The following GINM1 variants were observed in gnomAD, a reference collection of about 807,000 sequenced individuals.
GINM1 encodes the protein glycoprotein integral membrane protein 1.
In GINM1, 29 loss-of-function variants were observed where a neutral mutation model predicts 37.8. That is an observed-to-expected ratio of 0.77 (90% confidence interval 0.57 to 1.05). The LOEUF is 1.05. Ranked by LOEUF, GINM1 falls within the 50% of genes least tolerant of loss-of-function variation. The pLI, the probability that GINM1 is intolerant of heterozygous loss-of-function variation, is 0.00. For missense variants in GINM1, 377 were observed against 397.9 expected (o/e 0.95, Z 0.45); for synonymous variants, 143 against 146.2 (o/e 0.98, Z 0.16).
chr6:149,578,451 A>T (rs1268446619), intron 3 of GINM1, among the ~76,000 whole-genome samples: 3 of 149,842 alleles, frequency 2.0e-5, no homozygotes, highest in Non-Finnish European at 4.4e-5. Flanking sequence ...CCTTGAACCC[A>T]GGAGGCAAAG....
At chr6:149,588,164 TC>T (rs1280114140) in intron 7 of GINM1, among the ~76,000 whole-genome samples, 1 of 152,252 alleles carries the variant, frequency 6.6e-6, no homozygotes, top group Non-Finnish European at 1.5e-5. Context: ...AATTACTGTG[TC>T]ACAAGTAATT....
Position 149,566,599 on chromosome 6 carries a change from C to T in GINM1, c.120+65C>T, listed in dbSNP as rs1448634803. On this transcript the variant is annotated intron_variant, in intron 1 of 7. Coordinates refer to ENST00000367419, the MANE Select transcript of GINM1 (RefSeq NM_138785.5). The surrounding 1 kb of genome is among the most constrained non-coding windows in gnomAD (Gnocchi z 4.4). ...GACTCTCCGGGAGGCCCGGGCTGTCCACAGTGACGCTTCCCACATCCCACC... is the reference window on the plus strand; with the variant it reads ...GACTCTCCGGGAGGCCCGGGCTGTCTACAGTGACGCTTCCCACATCCCACC... 6 of 1,396,610 alleles carry T rather than the reference C, an allele frequency of 4.3e-6. No homozygotes were observed. The highest frequency in any genetic ancestry group is 5.6e-6 in the Non-Finnish European group (6 of 1,073,734). 86.5% of individuals were successfully genotyped at this position (1,396,610 alleles called of 1,614,324 possible).
At chr6:149,584,374 A>T (rs1295517867) in intron 7 of GINM1, 1 of 152,194 alleles carries the variant, frequency 6.6e-6, no homozygotes, top group Non-Finnish European at 1.5e-5. Context: ...ACTGTTATGT[A>T]ACAGGATTTT....
chr6:149,590,712 C>T lies in GINM1; in HGVS notation c.882-15C>T, dbSNP rs1778141193. The stretch of plus-strand genomic sequence containing the variant: ...ACATTTAATTTTGATAGTAATTAAT[C>T]ACTTTCTATTTCAGAGGAATTCTTC... On this transcript the variant is annotated splice_polypyrimidine_tract_variant and intron_variant, in intron 7 of 7. Coordinates refer to ENST00000367419, the MANE Select transcript of GINM1 (RefSeq NM_138785.5). 7.9e-7 allele frequency: 1 copy of T among 1,264,764 alleles called. No individual in the cohort carries two copies. The highest frequency in any genetic ancestry group is 1.8e-5 in the Admixed American group (1 of 54,338). The allele number at this position is 1,264,764 out of a possible 1,614,324, so 78.3% of individuals were successfully genotyped here.
In GINM1 at chr6:149,575,782, A is replaced by G. The variant is rs896724928; in HGVS notation, c.278-3040A>G. On this transcript the variant is annotated intron_variant, in intron 3 of 7. Transcript: ENST00000367419. ...AGGAAGTGCTAGTACTACTGAAATA[A>G]TAATTCTTTTGTTGTTGTATTCACT... is the stretch of plus-strand genomic sequence containing the variant. Among the ~76,000 whole-genome samples the G allele has an allele frequency of 7.2e-5, 11 of 152,308 alleles. No individual in the cohort carries two copies. The East Asian group carries it at 1.9e-3, about 27-fold the overall frequency.
chr6:149,577,903 C>A (rs561437438), intron 3 of GINM1, among the ~76,000 whole-genome samples: 18 of 152,300 alleles, frequency 1.2e-4, no homozygotes, highest in Non-Finnish European at 2.1e-4. Flanking sequence ...CCCGTTTCTA[C>A]TGGAGCAGGA....
chr6:149,584,117 A>G (rs1223409123), intron 7 of GINM1, among the ~76,000 whole-genome samples: 2 of 152,104 alleles, frequency 1.3e-5, no homozygotes, highest in Non-Finnish European at 2.9e-5. Context: ...CTGGGATTAC[A>G]GGCATGCGCC....
Position 149,569,193 on chromosome 6 carries a change from C to T in GINM1, c.120+2659C>T, listed in dbSNP as rs545255301. ...GGATTACAGGCTCCCGCCACTGCGC[C>T]CAGCTAATTTTTTTATATTTTTAGT... On this transcript the variant is annotated intron_variant, in intron 1 of 7. Coordinates refer to ENST00000367419, the MANE Select transcript of GINM1 (RefSeq NM_138785.5). 2.6e-5 allele frequency among the ~76,000 whole-genome samples: 4 copies of T among 152,010 alleles called. No homozygotes were observed. In the East Asian group the frequency reaches 7.7e-4, roughly 29 times the overall value.
At chr6:149,577,821 T>C (rs1359858527) in intron 3 of GINM1, among the ~76,000 whole-genome samples, 1 of 152,212 alleles carries the variant, frequency 6.6e-6, no homozygotes, top group African/African-American at 2.4e-5. Flanking sequence ...TATGTTGTTT[T>C]ATCTTTTTCG....
At chr6:149,570,390 A>G (rs1288599217) in intron 1 of GINM1, among the ~76,000 whole-genome samples, 1 of 151,752 alleles carries the variant, frequency 6.6e-6, no homozygotes, top group African/African-American at 2.4e-5. Flanking sequence ...GTAGCTATCA[A>G]TCTCATAGCT....
chr6:149,581,920 T>C (rs1778008547), intron 6 of GINM1: 3 of 422,238 alleles, frequency 7.1e-6, no homozygotes, highest in Non-Finnish European at 1.5e-5. Flanking sequence ...ACTGTCTTCA[T>C]AGTCCGTGCC....
chr6:149,585,905 A>G (rs760437642), intron 7 of GINM1, among the ~76,000 whole-genome samples: 4 of 152,114 alleles, frequency 2.6e-5, no homozygotes, highest in African/African-American at 4.8e-5. Flanking sequence ...TTGTTCTTAA[A>G]TTACTAATTT....
At chr6:149,580,117 A>G (rs1777977227) in intron 5 of GINM1, 127 bp downstream of exon 5, 6 of 630,730 alleles carry the variant, frequency 9.5e-6, no homozygotes, top group Admixed American at 3.1e-5. Flanking sequence ...TTAATAGTTA[A>G]TATGTTTGGA....
chr6:149,577,266 G>A (rs759417582), intron 3 of GINM1: 5 of 152,230 alleles, frequency 3.3e-5, no homozygotes, highest in African/African-American at 4.8e-5. Flanking sequence ...CTTAGTCTTT[G>A]GGCTTACGGA....
At position 149,566,583 on chromosome 6, in the gene GINM1, GGA is replaced by G. The variant is rs1443055612; in HGVS notation, c.120+51_120+52del. ...GCCGCTTTACGACTCCGACTCTCCG[GGA>G]GGCCCGGGCTGTCCACAGTGACGCT... On this transcript the variant is annotated intron_variant, in intron 1 of 7. Transcript: ENST00000367419. This position sits in a 1 kb window ranked among gnomAD's most constrained non-coding sequence, Gnocchi z 4.4. 4.1e-6 allele frequency: 6 copies of G among 1,446,858 alleles called. No homozygotes were observed. Among genetic ancestry groups the G allele is most frequent in the Non-Finnish European group, 5.5e-6 (6 of 1,100,744 alleles). 89.6% of individuals were successfully genotyped at this position (1,446,858 alleles called of 1,614,324 possible).
Position 149,579,052 on chromosome 6 carries a change from T to G in GINM1, c.429+79T>G. ...GATATTATGCATGTGTTCAGTTATT[T>G]TATTTGTTTCCGACTTGATAAGGAA... On this transcript the variant is annotated intron_variant, in intron 4 of 7. Coordinates refer to ENST00000367419, the MANE Select transcript of GINM1 (RefSeq NM_138785.5). The G allele has an allele frequency of 8.9e-6, 8 of 899,854 alleles. No individual in the cohort carries two copies. The Admixed American group carries it at 1.6e-4, about 19-fold the overall frequency. 55.7% of individuals were successfully genotyped at this position (899,854 alleles called of 1,614,324 possible).
chr6:149,580,158 C>A (rs1363537233), intron 5 of GINM1, among the ~76,000 whole-genome samples, 168 bp downstream of exon 5: 1 of 152,138 alleles, frequency 6.6e-6, no homozygotes, highest in Non-Finnish European at 1.5e-5. Flanking sequence ...TGCTTCATAA[C>A]ATGTATTGCT....
chr6:149,578,355 T>A (rs558644077), intron 3 of GINM1: 1 of 152,344 alleles, frequency 6.6e-6, no homozygotes, highest in East Asian at 1.9e-4. Flanking sequence ...TGAAACCCTA[T>A]CTCTGCTAAA....
At position 149,584,799 on chromosome 6, in the gene GINM1, A is replaced by G. The variant is rs561566971; in HGVS notation, c.881+2196A>G. Among the ~76,000 whole-genome samples, 13 of 149,202 alleles carry G rather than the reference A, an allele frequency of 8.7e-5. No homozygotes were observed. The East Asian group carries it at 2.5e-3, about 29-fold the overall frequency. ...TATATAATACTTGTATATATTTTAT[A>G]TAAATATTTATAAATGTATATATAT... On this transcript the variant is annotated intron_variant, in intron 7 of 7. Coordinates refer to ENST00000367419, the MANE Select transcript of GINM1 (RefSeq NM_138785.5).
Sources: allele counts gnomAD v4.1 joint callset (sites outside exome capture counted in the v4.1 genomes callset), GRCh38; gene constraint gnomAD v4.1.1; non-coding constraint Gnocchi (gnomAD v3.1); transcripts MANE v1.5; gene names NCBI Gene and HGNC (gene_info 2026-07-23, HGNC 2026-07-21).